The following LOC400499 variants were observed in gnomAD, a reference collection of about 807,000 sequenced individuals.
chr16:11,389,651 C>G, the LOC400499 span, among the ~76,000 whole-genome samples: 1 of 135,668 alleles, frequency 7.4e-6, no homozygotes, highest in Non-Finnish European at 1.5e-5. Context: ...CACCACTGTA[C>G]TCTAGCCTGG....
At chr16:11,429,450 A>G in the LOC400499 span, among the ~76,000 whole-genome samples, 1 of 152,208 alleles carries the variant, frequency 6.6e-6, no homozygotes, top group African/African-American at 2.4e-5. Context: ...AAAGGGAGTT[A>G]GCAGGGAAAG....
the LOC400499 span, among the ~76,000 whole-genome samples, chr16:11,390,980 C>G: frequency 6.6e-6 from 1 of 152,252 alleles, no homozygotes; most frequent in Non-Finnish European, 1.5e-5. Context: ...CTAGACTCCG[C>G]CCCAGCCCCC....
the LOC400499 span, among the ~76,000 whole-genome samples, chr16:11,426,515 G>A: frequency 5.3e-5 from 8 of 151,576 alleles, no homozygotes; most frequent in Admixed American, 2.6e-4. Context: ...AATTTTGAAT[G>A]TTTTCTTTGT....
chr16:11,486,026 G>C, the LOC400499 span, among the ~76,000 whole-genome samples: 11 of 152,052 alleles, frequency 7.2e-5, no homozygotes, highest in Admixed American at 3.3e-4. Context: ...TGGGTGGGTG[G>C]TTTGGTAAAT....
At chr16:11,491,834 G>C in the LOC400499 span, 5 of 398,812 alleles carry the variant, frequency 1.3e-5, no homozygotes, top group Non-Finnish European at 1.8e-5. Context: ...ATAGACGGGA[G>C]AGCACCGATC....
chr16:11,461,252 G>A, the LOC400499 span: 4 of 1,112,612 alleles, frequency 3.6e-6, no homozygotes, highest in Non-Finnish European at 5.0e-6. Context: ...GCCAACATGT[G>A]CACCCTGCAC....
At chr16:11,477,441 C>A in the LOC400499 span, among the ~76,000 whole-genome samples, 1 of 152,336 alleles carries the variant, frequency 6.6e-6, no homozygotes, top group African/African-American at 2.4e-5. Flanking sequence ...CGCCTTGAAC[C>A]TTGGTTTCCT....
At chr16:11,488,711 G>A in the LOC400499 span, 1 of 398,838 alleles carries the variant, frequency 2.5e-6, no homozygotes, top group Non-Finnish European at 4.4e-6. Flanking sequence ...GGCCATACCT[G>A]ATCGGAAGGT....
the LOC400499 span, among the ~76,000 whole-genome samples, chr16:11,462,912 G>C: frequency 6.6e-6 from 1 of 152,162 alleles, no homozygotes; most frequent in African/African-American, 2.4e-5. Flanking sequence ...TGCCTCACCA[G>C]CTGGAGCCCC....
At chr16:11,431,975 C>G in the LOC400499 span, among the ~76,000 whole-genome samples, 1 of 152,212 alleles carries the variant, frequency 6.6e-6, no homozygotes, top group Non-Finnish European at 1.5e-5. Flanking sequence ...TGAATGCTGC[C>G]TCTTGGAACC....
chr16:11,462,105 C>G, the LOC400499 span: 7 of 1,481,054 alleles, frequency 4.7e-6, no homozygotes, highest in African/African-American at 5.6e-5. Context: ...CAGAAGGGGT[C>G]TCATCTCCTA....
the LOC400499 span, chr16:11,476,753 TG>T: frequency 2.5e-6 from 1 of 399,524 alleles, no homozygotes. Context: ...CTGCCGGCAC[TG>T]GGCACCCACC....
the LOC400499 span, among the ~76,000 whole-genome samples, chr16:11,493,173 G>T: frequency 6.6e-6 from 1 of 152,178 alleles, no homozygotes; most frequent in South Asian, 2.1e-4. Context: ...AGTAAGAAGG[G>T]AGGTAGTGGT....
the LOC400499 span, among the ~76,000 whole-genome samples, chr16:11,467,796 G>A: frequency 4.6e-5 from 7 of 152,172 alleles, no homozygotes; most frequent in African/African-American, 1.7e-4. Flanking sequence ...GGGTTGTACT[G>A]TGTCTCCCTG....
At chr16:11,376,508 T>TCAAAC in the LOC400499 span, among the ~76,000 whole-genome samples, 1 of 152,228 alleles carries the variant, frequency 6.6e-6, no homozygotes, top group African/African-American at 2.4e-5. Flanking sequence ...ACCACATGTG[T>TCAAAC]AAGAGTTTCT....
the LOC400499 span, chr16:11,493,564 A>C: frequency 2.5e-6 from 1 of 393,926 alleles, no homozygotes; most frequent in East Asian, 3.6e-5. Context: ...TGAACAACTG[A>C]ATAAGTGAAT....
the LOC400499 span, among the ~76,000 whole-genome samples, chr16:11,397,773 T>TGGAGGGAGGGAGGGATGGAG: frequency 2.9e-5 from 1 of 34,682 alleles, no homozygotes; most frequent in Non-Finnish European, 5.2e-5. Context: ...GAGGGAGGGA[T>TGGAGGGAGGGAGGGATGGAG]GGAGGGAGGG....
the LOC400499 span, among the ~76,000 whole-genome samples, chr16:11,513,116 C>T: frequency 6.6e-5 from 10 of 152,082 alleles, no homozygotes; most frequent in African/African-American, 1.9e-4. Context: ...ATTTAATCGG[C>T]GGGGTTCAAC....
the LOC400499 span, among the ~76,000 whole-genome samples, chr16:11,425,991 GA>G: frequency 6.6e-6 from 1 of 151,488 alleles, no homozygotes; most frequent in East Asian, 1.9e-4. Context: ...TAGAAGGAAA[GA>G]AAAAAATGCA....
Sources: gnomAD v4.1 joint callset for allele counts (sites outside exome capture counted in the v4.1 genomes callset) on GRCh38, gnomAD v4.1.1 for gene constraint, MANE v1.5 for transcripts.